The following CCSER1 variants were observed in gnomAD, a reference collection of about 807,000 sequenced individuals.
The protein encoded by CCSER1 is serine-rich coiled-coil domain-containing protein 1.
A neutral mutation model predicts 82.0 loss-of-function variants in CCSER1; 41 were observed. The observed-to-expected ratio is 0.50, with a 90% confidence interval of 0.39 to 0.65. The LOEUF (loss-of-function observed/expected upper bound fraction) is 0.65, where lower values mean the gene tolerates loss of function less well. Among genes scored for constraint, CCSER1 ranks in the 30% least tolerant of loss-of-function variants. CCSER1 has a pLI of 0.00. For synonymous variants in CCSER1, 414 were observed against 383.9 expected (o/e 1.08, Z -0.92); for missense variants, 1,119 against 1,064.2 (o/e 1.05, Z -0.72).
intron 10 of CCSER1, among the ~76,000 whole-genome samples, chr4:91,349,186 C>G (rs551041457): frequency 1.3e-5 from 2 of 151,934 alleles, no homozygotes; most frequent in Admixed American, 1.3e-4. Context: ...GGATTACAGG[C>G]GTGAGACACG....
intron 6 of CCSER1, among the ~76,000 whole-genome samples, chr4:90,634,661 G>T (rs1264100645): frequency 1.3e-5 from 2 of 151,652 alleles, no homozygotes; most frequent in Admixed American, 1.3e-4. Flanking sequence ...AGGAACTTCA[G>T]CAATGGATAA....
intron 6 of CCSER1, among the ~76,000 whole-genome samples, chr4:90,710,762 A>G (rs545486594): frequency 2.0e-5 from 3 of 152,124 alleles, no homozygotes; most frequent in East Asian, 1.9e-4. Context: ...GTCAGGTAGC[A>G]TGATGCCTTC....
At chr4:91,382,661 A>G (rs1750994963) in intron 10 of CCSER1, among the ~76,000 whole-genome samples, 1 of 152,126 alleles carries the variant, frequency 6.6e-6, no homozygotes, top group South Asian at 2.1e-4. Context: ...TTCTTGGGTG[A>G]GGCGATCCCT....
rs558940046 is a variant in CCSER1, at chr4:90,521,208, G to A, written c.1724+52854G>A. 5.3e-5 allele frequency among the ~76,000 whole-genome samples: 8 copies of A among 152,182 alleles called. 1 individual carries two copies. The South Asian group carries it at 1.5e-3, about 28-fold the overall frequency. On this transcript the variant is annotated intron_variant, in intron 5 of 10. Transcript: ENST00000509176. ...TATCAATGCCTAACATATATCAAAT[G>A]TATGCATATGCCAATAACAGACTTA...
intron 1 of CCSER1, among the ~76,000 whole-genome samples, chr4:90,157,280 G>T (rs375180993): frequency 6.6e-6 from 1 of 152,114 alleles, no homozygotes; most frequent in African/African-American, 2.4e-5. Context: ...TGAGTAACCC[G>T]ACCTTTCTCT....
At chr4:91,424,178 G>A (rs912710957) in intron 10 of CCSER1, among the ~76,000 whole-genome samples, 10 of 150,768 alleles carry the variant, frequency 6.6e-5, no homozygotes, top group African/African-American at 2.0e-4. Flanking sequence ...CACCGCGCCC[G>A]GCTAATTTTT....
intron 1 of CCSER1, among the ~76,000 whole-genome samples, chr4:90,189,774 A>G (rs892127053): frequency 1.1e-4 from 17 of 151,972 alleles, no homozygotes; most frequent in African/African-American, 4.1e-4. Flanking sequence ...AAGCATTCTT[A>G]CAATTTTATC....
chr4:91,006,482 TTC>T (rs1197901484), intron 9 of CCSER1, among the ~76,000 whole-genome samples: 1 of 148,660 alleles, frequency 6.7e-6, no homozygotes, highest in Non-Finnish European at 1.5e-5. Context: ...TGCCTTTTAT[TTC>T]TTTTTTTCTT....
At chr4:91,176,600 T>C (rs370722884) in intron 10 of CCSER1, among the ~76,000 whole-genome samples, 27 of 151,986 alleles carry the variant, frequency 1.8e-4, no homozygotes, top group African/African-American at 5.6e-4. Flanking sequence ...GGGAGTTCAC[T>C]CATGATTTGG....
intron 8 of CCSER1, among the ~76,000 whole-genome samples, chr4:90,844,097 T>TTG (rs374626530): frequency 1.0e-4 from 15 of 149,568 alleles, no homozygotes; most frequent in South Asian, 4.2e-4. Flanking sequence ...CTTCCTCTGT[T>TTG]TGTGTGTGTG....
At chr4:91,108,044 C>G (rs1424668380) in intron 10 of CCSER1, 4 of 152,188 alleles carry the variant, frequency 2.6e-5, no homozygotes, top group Non-Finnish European at 5.9e-5. Flanking sequence ...ACATCCAAGT[C>G]TATTTCAGTG....
intron 10 of CCSER1, among the ~76,000 whole-genome samples, chr4:91,363,107 C>T (rs1043046454): frequency 2.0e-5 from 3 of 151,296 alleles, no homozygotes; most frequent in African/African-American, 7.3e-5. Context: ...AATTTTCATT[C>T]GTGAGTCATT....
chr4:90,803,223 T>TA (rs1478956057), intron 7 of CCSER1, among the ~76,000 whole-genome samples: 4 of 152,140 alleles, frequency 2.6e-5, no homozygotes, highest in Non-Finnish European at 5.9e-5. Flanking sequence ...TGTCTTTTTT[T>TA]AAATTATACT....
intron 6 of CCSER1, among the ~76,000 whole-genome samples, chr4:90,675,727 TTTTTTTTTTTTTA>T: frequency 1.1e-3 from 1 of 946 alleles, no homozygotes; most frequent in Non-Finnish European, 2.2e-3. Flanking sequence ...TTTTTTTTTT[TTTTTTTTTTTTTA>T]TTATACTCTA....
intron 7 of CCSER1, among the ~76,000 whole-genome samples, chr4:90,754,646 C>A (rs1351373280): frequency 6.6e-6 from 1 of 152,136 alleles, no homozygotes; most frequent in African/African-American, 2.4e-5. Flanking sequence ...TCACTCACCT[C>A]GGAAACAGTG....
chr4:90,532,509 A>T (rs1475901911), intron 5 of CCSER1, among the ~76,000 whole-genome samples: 1 of 152,008 alleles, frequency 6.6e-6, no homozygotes, highest in Admixed American at 6.6e-5. Context: ...GTGGTGTTCT[A>T]AGTCTGAGAA....
At chr4:90,668,568 A>C (rs566335284) in intron 6 of CCSER1, among the ~76,000 whole-genome samples, 1 of 152,276 alleles carries the variant, frequency 6.6e-6, no homozygotes, top group Admixed American at 6.5e-5. Flanking sequence ...CTGAGCTTTG[A>C]TAAGAGAAAA....
intron 10 of CCSER1, among the ~76,000 whole-genome samples, chr4:91,178,644 T>A (rs1417281409): frequency 6.6e-6 from 1 of 152,180 alleles, no homozygotes; most frequent in East Asian, 1.9e-4. Flanking sequence ...CCTTTTTTTA[T>A]TTTCCATTTG....
intron 6 of CCSER1, among the ~76,000 whole-genome samples, chr4:90,646,515 C>T (rs1727629946): frequency 6.6e-6 from 1 of 152,006 alleles, no homozygotes; most frequent in South Asian, 2.1e-4. Flanking sequence ...TAAATTTGAC[C>T]TCATTGAAAT....
Sources: gnomAD v4.1 joint callset for allele counts (sites outside exome capture counted in the v4.1 genomes callset) on GRCh38, gnomAD v4.1.1 for gene constraint, MANE v1.5 for transcripts, NCBI Gene and HGNC (gene_info 2026-07-23, HGNC 2026-07-21) for gene names.